The following KCTD1 variants were observed in gnomAD, a reference collection of about 807,000 sequenced individuals.
KCTD1 encodes the protein potassium channel tetramerization domain containing 1, also known as BTB/POZ domain-containing protein KCTD1.
In KCTD1, 24 loss-of-function variants were observed where a neutral mutation model predicts 66.0. That is an observed-to-expected ratio of 0.36 (90% confidence interval 0.26 to 0.51). The LOEUF (loss-of-function observed/expected upper bound fraction) is 0.51. Among genes scored for constraint, KCTD1 ranks in the 20% least tolerant of loss-of-function variants. KCTD1 has a pLI of 0.95. For synonymous variants in KCTD1, 511 were observed against 517.2 expected (o/e 0.99, Z 0.16); for missense variants, 943 against 1,205.2 (o/e 0.78, Z 3.22).
At chr18:26,543,835 A>T (rs1349416114) in intron 1 of KCTD1, 1 of 152,260 alleles carries the variant, frequency 6.6e-6, no homozygotes, top group Non-Finnish European at 1.5e-5. Context: ...GGAGAGAGAC[A>T]TGTCTACAAA....
rs1111207 is a variant in KCTD1 at position 26,545,893 on chromosome 18, T to C, written c.1809+835A>G. On this transcript the variant is annotated intron_variant, in intron 1 of 4. Coordinates refer to ENST00000580059, the MANE Select transcript of KCTD1 (RefSeq NM_001142730.3). ...ATAGTTTCTTCCTCTTTGATGAGGATAGTGAAGCCAAGGAGAAGTGAAGTG... is the reference window on the plus strand; with the variant it reads ...ATAGTTTCTTCCTCTTTGATGAGGACAGTGAAGCCAAGGAGAAGTGAAGTG... The C allele has an allele frequency of 0.43, 64,778 of 151,436 alleles. 13,991 individuals are homozygous for C. The highest frequency in any genetic ancestry group is 0.65 in the East Asian group (3,299 of 5,098). 9.4% of individuals were successfully genotyped at this position (151,436 alleles called of 1,614,324 possible). A position where few individuals can be genotyped will look rare whatever the true frequency, so the allele number is the denominator to read the frequency against.
chr18:26,488,535 A>G (rs558924694), intron 2 of KCTD1, among the ~76,000 whole-genome samples: 39 of 152,180 alleles, frequency 2.6e-4, no homozygotes, highest in Non-Finnish European at 4.6e-4. Flanking sequence ...GCCAAGTTTA[A>G]CGAGGCTGGG....
intron 1 of KCTD1, among the ~76,000 whole-genome samples, chr18:26,586,879 T>C (rs1406521220): frequency 1.3e-5 from 2 of 152,188 alleles, no homozygotes; most frequent in Non-Finnish European, 2.9e-5. Context: ...TAGCAGAGGT[T>C]GTTGGTTCAT....
intron 1 of KCTD1, among the ~76,000 whole-genome samples, chr18:26,562,092 G>T (rs189227363): frequency 1.3e-5 from 2 of 152,096 alleles, no homozygotes; most frequent in African/African-American, 2.4e-5. Flanking sequence ...CTCCGCCCAG[G>T]TGCACCTCCC....
rs1159488105 is a variant in KCTD1 at position 26,620,422 on chromosome 18, T to C, written c.-16+8725A>G. ...TAGTCTGACACTTTTATGACAGCAA[T>C]CAAAATTGCATTTTTTTTTTTTTTT... On this transcript the variant is annotated intron_variant, in intron 1 of 4. Coordinates refer to the KCTD1 transcript ENST00000317932. 2.2e-4 allele frequency among the ~76,000 whole-genome samples: 28 copies of C among 124,940 alleles called. 1 individual carries two copies. In the South Asian group the frequency reaches 7.3e-3, roughly 32 times the overall value. 82.0% of individuals were successfully genotyped at this position (124,940 alleles called of 152,430 possible).
upstream of KCTD1, among the ~76,000 whole-genome samples, chr18:26,642,901 G>A (rs997974449): frequency 6.7e-6 from 1 of 150,240 alleles, no homozygotes; most frequent in African/African-American, 2.4e-5. Flanking sequence ...GGCGGAAGGT[G>A]TGAGAAGCCA....
intron 3 of KCTD1, among the ~76,000 whole-genome samples, chr18:26,473,887 A>G (rs1401955365): frequency 6.6e-6 from 1 of 152,188 alleles, no homozygotes; most frequent in Admixed American, 6.5e-5. Context: ...CCAATTGCAT[A>G]TAGTTGCCAT....
upstream of KCTD1, chr18:26,548,753 A>C: frequency 1.1e-5 from 12 of 1,097,266 alleles, no homozygotes; most frequent in African/African-American, 1.7e-5. Flanking sequence ...GTTAGACCGG[A>C]GAGATAGGGT....
intron 1 of KCTD1, among the ~76,000 whole-genome samples, chr18:26,597,498 G>T (rs1986792910): frequency 6.6e-6 from 1 of 152,090 alleles, no homozygotes; most frequent in African/African-American, 2.4e-5. Flanking sequence ...CTGAAGTTTT[G>T]CAAGATAAGC....
intron 1 of KCTD1, among the ~76,000 whole-genome samples, chr18:26,595,277 T>A (rs1412402944): frequency 6.6e-6 from 1 of 152,196 alleles, no homozygotes; most frequent in African/African-American, 2.4e-5. Context: ...ACCTCAGCCC[T>A]CAGTTTCCTT....
intron 2 of KCTD1, among the ~76,000 whole-genome samples, chr18:26,478,707 G>C (rs1981473564): frequency 6.6e-6 from 1 of 152,126 alleles, no homozygotes; most frequent in South Asian, 2.1e-4. Flanking sequence ...ATGAGAATGG[G>C]GTTTGGCTAG....
chr18:26,510,457 G>A (rs1025583968), intron 1 of KCTD1, among the ~76,000 whole-genome samples: 1 of 152,212 alleles, frequency 6.6e-6, no homozygotes, highest in African/African-American at 2.4e-5. Flanking sequence ...GTGGTAAAAT[G>A]TTACCCTTCT....
intron 1 of KCTD1, among the ~76,000 whole-genome samples, chr18:26,597,954 C>A (rs749246576): frequency 3.9e-5 from 6 of 152,114 alleles, no homozygotes; most frequent in Non-Finnish European, 5.9e-5. Flanking sequence ...GCACCTGGCC[C>A]TTGGCTTCTA....
chr18:26,649,927 G>A (rs886625700), intron 1 of KCTD1, among the ~76,000 whole-genome samples: 35 of 152,156 alleles, frequency 2.3e-4, no homozygotes, highest in African/African-American at 8.0e-4. Flanking sequence ...GTATCAGACC[G>A]GGTCCCGTGT....
chr18:26,473,974 C>CA (rs1284638525), intron 3 of KCTD1, among the ~76,000 whole-genome samples: 12 of 152,214 alleles, frequency 7.9e-5, no homozygotes, highest in African/African-American at 2.9e-4. Flanking sequence ...GCATGTGCCC[C>CA]ACTGTTCAAA....
At chr18:26,533,257 A>C (rs994902033) in intron 1 of KCTD1, among the ~76,000 whole-genome samples, 2 of 152,260 alleles carry the variant, frequency 1.3e-5, no homozygotes, top group Non-Finnish European at 2.9e-5. Flanking sequence ...GATGCAGATA[A>C]TGTTTGCTGA....
chr18:26,600,646 A>C (rs1463798298), intron 1 of KCTD1, among the ~76,000 whole-genome samples: 1 of 152,074 alleles, frequency 6.6e-6, no homozygotes, highest in Admixed American at 6.6e-5. Flanking sequence ...AATGCTGACC[A>C]GAACACTCTT....
chr18:26,630,494 T>C (rs1987595787), upstream of KCTD1, among the ~76,000 whole-genome samples: 1 of 151,988 alleles, frequency 6.6e-6, no homozygotes, highest in Non-Finnish European at 1.5e-5. Flanking sequence ...TTAAGAATAT[T>C]TTGTAGAAAC....
chr18:26,550,156 T>TG (rs1985497775), upstream of KCTD1, among the ~76,000 whole-genome samples: 2 of 152,162 alleles, frequency 1.3e-5, no homozygotes, highest in Admixed American at 1.3e-4. This position sits in a 1 kb window ranked among gnomAD's most constrained non-coding sequence, Gnocchi z 5.4. Flanking sequence ...GCCGTCCTGC[T>TG]GGGAGGCAGC....
Sources: gnomAD v4.1 joint callset for allele counts (sites outside exome capture counted in the v4.1 genomes callset) on GRCh38, gnomAD v4.1.1 for gene constraint, Gnocchi (gnomAD v3.1) non-coding constraint, MANE v1.5 for transcripts, NCBI Gene and HGNC (gene_info 2026-07-23, HGNC 2026-07-21) for gene names.